Variants in SOX6 observed in about 807,000 individuals in gnomAD.
The protein encoded by SOX6 is transcription factor SOX-6.
A neutral mutation model predicts 97.8 loss-of-function variants in SOX6; 11 were observed. The observed-to-expected ratio is 0.11, with a 90% CI of 0.07 to 0.19. SOX6 has a LOEUF of 0.19. SOX6 is among the 10% of genes least tolerant of loss of function. The probability of loss-of-function intolerance (pLI) is 1.00; values close to 1 mark genes in which losing one functional copy is unlikely to be tolerated. For missense variants in SOX6, 810 were observed against 1,039.5 expected (o/e 0.78, Z 3.04); for synonymous variants, 360 against 371.4 (o/e 0.97, Z 0.35).
At chr11:16,277,488 T>C (rs1854434284) in intron 3 of SOX6, among the ~76,000 whole-genome samples, 1 of 152,198 alleles carries the variant, frequency 6.6e-6, no homozygotes, top group African/African-American at 2.4e-5. Context: ...GGTATTTTGT[T>C]ATGGAATCCA....
chr11:16,157,601 A>T (rs1850636466), intron 6 of SOX6, among the ~76,000 whole-genome samples: 1 of 151,960 alleles, frequency 6.6e-6, no homozygotes, highest in African/African-American at 2.4e-5. Context: ...GATCTTTCTG[A>T]AAGGCAAATG....
intron 6 of SOX6, among the ~76,000 whole-genome samples, chr11:16,181,887 G>C (rs1206199866): frequency 6.6e-6 from 1 of 151,728 alleles, no homozygotes; most frequent in East Asian, 1.9e-4. Context: ...CTAAGTTCAA[G>C]TGCTGATTAG....
intron 3 of SOX6, among the ~76,000 whole-genome samples, chr11:16,246,636 G>A (rs1590060772): frequency 6.6e-6 from 1 of 151,810 alleles, no homozygotes; most frequent in South Asian, 2.1e-4. Context: ...CATATCTTTG[G>A]CTACTTCTAA....
At chr11:16,341,318 AT>A in intron 1 of SOX6, 66 bp from the exon 2 acceptor site, 1 of 1,587,472 alleles carries the variant, frequency 6.3e-7, no homozygotes, top group Non-Finnish European at 8.6e-7. Context: ...CAATCCTTGC[AT>A]TTGGCTAGTT....
chr11:16,554,170 G>A (rs1847722754), intron 4 of SOX6, among the ~76,000 whole-genome samples: 1 of 152,088 alleles, frequency 6.6e-6, no homozygotes, highest in African/African-American at 2.4e-5. Context: ...CAACAAAAAT[G>A]AGCAGAAGGA....
chr11:16,638,811 T>G (rs914944766), intron 3 of SOX6, among the ~76,000 whole-genome samples: 10 of 152,144 alleles, frequency 6.6e-5, no homozygotes, highest in African/African-American at 2.4e-4. Context: ...TGTAGATTCT[T>G]GATATTAGCC....
chr11:16,546,501 A>T (rs1485095485), intron 4 of SOX6, among the ~76,000 whole-genome samples: 1 of 152,184 alleles, frequency 6.6e-6, no homozygotes, highest in Non-Finnish European at 1.5e-5. Context: ...TGCCAAGAAC[A>T]TGCACTGGGG....
At position 16,398,270 on chromosome 11, in the gene SOX6, C is replaced by G. The variant is rs183844594; in HGVS notation, c.-4-57018G>C. Among the ~76,000 whole-genome samples, 9 of 151,598 alleles carry G rather than the reference C, an allele frequency of 5.9e-5. No homozygotes were observed. The East Asian group carries it at 1.7e-3, about 29-fold the overall frequency. On this transcript the variant is annotated intron_variant, in intron 1 of 15. Coordinates refer to the SOX6 transcript ENST00000396356. ...CAGAATAAAAGTATGTACCTTATTG[C>G]GAGTTTGACCTTGACCTTTTGTCTT...
At chr11:16,015,208 C>T (rs1854849533) in intron 12 of SOX6, 158 bp from the exon 13 acceptor site, 1 of 699,650 alleles carries the variant, frequency 1.4e-6, no homozygotes, top group Non-Finnish European at 2.5e-6. Context: ...CCGTTGAAAG[C>T]TGTTTGTGAC....
chr11:16,635,609 C>A lies in SOX6; in HGVS notation n.430-23349G>T, dbSNP rs576541916. 3.3e-5 allele frequency among the ~76,000 whole-genome samples: 5 copies of A among 152,320 alleles called. No homozygotes were observed. In the South Asian group the frequency reaches 1.0e-3, roughly 32 times the overall value. The stretch of plus-strand genomic sequence containing the variant: ...AATTCAAGCCAGCTACAGAAATCTG[C>A]ATAAGTAAGAAGGAGCCAAATGCTA... On this transcript the variant is annotated intron_variant and non_coding_transcript_variant, in intron 3 of 5. Transcript: ENST00000524520.
chr11:16,233,797 C>G (rs1852929139), intron 4 of SOX6, among the ~76,000 whole-genome samples: 1 of 151,942 alleles, frequency 6.6e-6, no homozygotes, highest in Non-Finnish European at 1.5e-5. Context: ...ATCACGAGGT[C>G]AAGAGATCAA....
At chr11:16,160,492 T>G (rs1850719903) in intron 6 of SOX6, among the ~76,000 whole-genome samples, 1 of 152,178 alleles carries the variant, frequency 6.6e-6, no homozygotes, top group South Asian at 2.1e-4. Context: ...CATAATGACT[T>G]ATCTTAAATA....
At chr11:16,463,266 C>A (rs1262257347) in intron 1 of SOX6, among the ~76,000 whole-genome samples, 2 of 152,112 alleles carry the variant, frequency 1.3e-5, no homozygotes, top group African/African-American at 2.4e-5. Flanking sequence ...TTCATTTACT[C>A]ATTCTTTCAA....
At chr11:16,599,242 A>G (rs1406032505) in intron 4 of SOX6, among the ~76,000 whole-genome samples, 1 of 152,196 alleles carries the variant, frequency 6.6e-6, no homozygotes, top group Non-Finnish European at 1.5e-5. Context: ...AATAAAATAC[A>G]TCAATGAATT....
At chr11:16,674,603 C>A (rs764373371) in intron 3 of SOX6, among the ~76,000 whole-genome samples, 3 of 151,964 alleles carry the variant, frequency 2.0e-5, no homozygotes, top group Non-Finnish European at 4.4e-5. Context: ...CATGGTAGCT[C>A]ACACATGTAA....
intron 9 of SOX6, among the ~76,000 whole-genome samples, chr11:16,094,796 CT>C (rs1848759608): frequency 6.6e-6 from 1 of 151,806 alleles, no homozygotes; most frequent in African/African-American, 2.4e-5. Context: ...CTAATCATGT[CT>C]GAGTGGAAAC....
intron 7 of SOX6, among the ~76,000 whole-genome samples, chr11:16,102,796 A>C (rs1189672018): frequency 6.6e-6 from 1 of 152,066 alleles, no homozygotes; most frequent in African/African-American, 2.4e-5. Flanking sequence ...CTATTCAACA[A>C]ATGATGCTGG....
At chr11:16,475,155 G>A (rs1163126370) in intron 1 of SOX6, among the ~76,000 whole-genome samples, 2 of 152,180 alleles carry the variant, frequency 1.3e-5, no homozygotes, top group East Asian at 1.9e-4. Context: ...GAATGTTGTG[G>A]CTCATTTGGT....
At chr11:16,619,771 T>C (rs1055952559) in intron 3 of SOX6, among the ~76,000 whole-genome samples, 1 of 152,116 alleles carries the variant, frequency 6.6e-6, no homozygotes, top group African/African-American at 2.4e-5. Flanking sequence ...TAAAATTTCA[T>C]TTAACATGAA....
Sources: gnomAD v4.1 joint callset for allele counts (sites outside exome capture counted in the v4.1 genomes callset) on GRCh38, gnomAD v4.1.1 for gene constraint, MANE v1.5 for transcripts, NCBI Gene and HGNC (gene_info 2026-07-23, HGNC 2026-07-21) for gene names.